Variants in MATCAP2 observed in about 807,000 individuals in gnomAD.
MATCAP2 encodes the protein putative tyrosine carboxypeptidase MATCAP2.
chr7:36,331,468 C>A, the MATCAP2 span, among the ~76,000 whole-genome samples: 1 of 152,132 alleles, frequency 6.6e-6, no homozygotes, highest in Admixed American at 6.5e-5. Flanking sequence ...GAGGCCTGAG[C>A]AGGATAGTTT....
the MATCAP2 span, among the ~76,000 whole-genome samples, chr7:36,354,481 G>A: frequency 6.6e-6 from 1 of 152,238 alleles, no homozygotes; most frequent in Non-Finnish European, 1.5e-5. Context: ...GAGACTGTCA[G>A]CTGTGGATTG....
chr7:36,368,126 C>T, the MATCAP2 span: 1 of 151,518 alleles, frequency 6.6e-6, no homozygotes, highest in Non-Finnish European at 1.5e-5. Flanking sequence ...TTTTTTGAGA[C>T]CCTAACGTGT....
chr7:36,364,287 C>T, the MATCAP2 span, among the ~76,000 whole-genome samples: 1 of 151,972 alleles, frequency 6.6e-6, no homozygotes, highest in Non-Finnish European at 1.5e-5. Flanking sequence ...AAGGTTTTGC[C>T]GTGTTGCCCA....
chr7:36,387,065 T>G, the MATCAP2 span, among the ~76,000 whole-genome samples: 3 of 152,184 alleles, frequency 2.0e-5, no homozygotes, highest in East Asian at 5.8e-4. Flanking sequence ...GCAGTGAACA[T>G]GAATGAAATG....
At chr7:36,354,518 G>A in the MATCAP2 span, among the ~76,000 whole-genome samples, 2 of 152,330 alleles carry the variant, frequency 1.3e-5, 1 homozygote, top group South Asian at 4.1e-4. Context: ...AGAAGCCAGA[G>A]ACCATGGGGC....
At chr7:36,387,565 T>G in the MATCAP2 span, among the ~76,000 whole-genome samples, 1 of 151,940 alleles carries the variant, frequency 6.6e-6, no homozygotes, top group African/African-American at 2.4e-5. Context: ...CCTAGGAGAG[T>G]AGACTTGAAT....
the MATCAP2 span, chr7:36,356,886 T>A: frequency 3.7e-6 from 6 of 1,603,474 alleles, no homozygotes; most frequent in Admixed American, 1.7e-5. Context: ...CTACCACTAT[T>A]GAAATGGCAT....
At chr7:36,341,071 T>C in the MATCAP2 span, among the ~76,000 whole-genome samples, 2 of 152,208 alleles carry the variant, frequency 1.3e-5, no homozygotes, top group African/African-American at 4.8e-5. Context: ...TGTAATATGT[T>C]AGTGCTATGA....
chr7:36,349,892 A>C, the MATCAP2 span, among the ~76,000 whole-genome samples: 6 of 152,250 alleles, frequency 3.9e-5, no homozygotes, highest in African/African-American at 9.6e-5. Flanking sequence ...TCTGTGAAAA[A>C]ATCTTTCTTG....
At chr7:36,356,574 C>G in the MATCAP2 span, 1 of 493,828 alleles carries the variant, frequency 2.0e-6, no homozygotes, top group Non-Finnish European at 3.6e-6. Context: ...TGTGGGCTAC[C>G]CAACACTTGT....
At chr7:36,379,847 C>CAG in the MATCAP2 span, among the ~76,000 whole-genome samples, 206 of 107,680 alleles carry the variant, frequency 1.9e-3, no homozygotes, top group Middle Eastern at 4.9e-3. Context: ...CACACACACA[C>CAG]AGAGAGAGAG....
the MATCAP2 span, chr7:36,324,830 TCAGA>T: frequency 6.6e-6 from 1 of 152,210 alleles, no homozygotes; most frequent in Non-Finnish European, 1.5e-5. Context: ...CTTTTCCAAA[TCAGA>T]CAAAGAGAAA....
chr7:36,381,078 TA>T, the MATCAP2 span, among the ~76,000 whole-genome samples: 3 of 152,116 alleles, frequency 2.0e-5, no homozygotes, highest in African/African-American at 7.2e-5. Context: ...GGTATAGCTA[TA>T]AAGCTCAAGC....
At chr7:36,384,714 G>T in the MATCAP2 span, among the ~76,000 whole-genome samples, 2 of 152,332 alleles carry the variant, frequency 1.3e-5, no homozygotes, top group South Asian at 2.1e-4. Flanking sequence ...TCAGGAGGTA[G>T]CACATGCAAG....
the MATCAP2 span, among the ~76,000 whole-genome samples, chr7:36,383,367 T>C: frequency 6.6e-6 from 1 of 152,194 alleles, no homozygotes; most frequent in African/African-American, 2.4e-5. Context: ...TGCACACATA[T>C]GTTTACTGCG....
the MATCAP2 span, chr7:36,326,935 T>C: frequency 6.3e-7 from 1 of 1,595,940 alleles, no homozygotes; most frequent in African/African-American, 1.4e-5. Context: ...AAAAGGAAGA[T>C]GAGTTAAATT....
chr7:36,335,157 C>T, the MATCAP2 span: 1 of 1,613,896 alleles, frequency 6.2e-7, no homozygotes, highest in South Asian at 1.1e-5. Context: ...GAAAGCAGGT[C>T]CTCAGTGAGA....
chr7:36,379,605 T>C, the MATCAP2 span, among the ~76,000 whole-genome samples: 1 of 152,084 alleles, frequency 6.6e-6, no homozygotes, highest in Non-Finnish European at 1.5e-5. Flanking sequence ...TATGTAAATA[T>C]ATATATGTGA....
chr7:36,351,758 G>A, the MATCAP2 span, among the ~76,000 whole-genome samples: 1 of 150,982 alleles, frequency 6.6e-6, no homozygotes, highest in Non-Finnish European at 1.5e-5. Context: ...ACCAGCCTGG[G>A]CAACATGGCA....
Sources: gnomAD v4.1 joint callset for allele counts (sites outside exome capture counted in the v4.1 genomes callset) on GRCh38, gnomAD v4.1.1 for gene constraint, MANE v1.5 for transcripts, NCBI Gene and HGNC (gene_info 2026-07-23, HGNC 2026-07-21) for gene names.